Variants in ELMO1 observed in about 807,000 individuals in gnomAD.
ELMO1 encodes the protein engulfment and cell motility 1.
A neutral mutation model predicts 98.9 loss-of-function variants in ELMO1; 26 were observed. The observed-to-expected ratio is 0.26, with a 90% confidence interval of 0.19 to 0.36. ELMO1 has a LOEUF of 0.36. ELMO1 is among the 10% of genes least tolerant of loss of function. ELMO1 has a pLI of 1.00. For missense variants in ELMO1, 627 were observed against 935.2 expected (o/e 0.67, Z 4.30); for synonymous variants, 346 against 346.0 (o/e 1.00, Z 0.00).
intron 1 of ELMO1, chr7:37,351,375 G>C (rs1801261554): frequency 6.6e-6 from 1 of 152,232 alleles, no homozygotes; most frequent in South Asian, 2.1e-4. Context: ...GCACTTTGCA[G>C]GGACCAGGCA....
At chr7:37,389,202 G>A (rs1189637798) in intron 1 of ELMO1, among the ~76,000 whole-genome samples, 1 of 152,148 alleles carries the variant, frequency 6.6e-6, no homozygotes, top group Non-Finnish European at 1.5e-5. Context: ...TCTGTACCTT[G>A]TCACTTTAAT....
In ELMO1 at chr7:37,144,488, C is replaced by A. The variant is rs147350745; in HGVS notation, c.1087-11254G>T. On this transcript the variant is annotated intron_variant, in intron 13 of 21. Coordinates refer to ENST00000310758, the MANE Select transcript of ELMO1 (RefSeq NM_014800.11). ...GATGCTTTGGATACAGATTTATTTTCTTTTCTTGTTCCATGTTATTTTTTT... is the reference window on the plus strand; with the variant it reads ...GATGCTTTGGATACAGATTTATTTTATTTTCTTGTTCCATGTTATTTTTTT... Among the ~76,000 whole-genome samples, 338 of 152,288 alleles carry A rather than the reference C, an allele frequency of 2.2e-3. 1 individual carries two copies. The highest frequency in any genetic ancestry group is 7.6e-3 in the African/African-American group (318 of 41,574).
intron 4 of ELMO1, among the ~76,000 whole-genome samples, chr7:37,297,703 A>T (rs750153422): frequency 2.0e-5 from 3 of 152,134 alleles, no homozygotes; most frequent in Non-Finnish European, 4.4e-5. Flanking sequence ...CTTTTCAGCC[A>T]TTAGGAAAGT....
intron 1 of ELMO1, among the ~76,000 whole-genome samples, chr7:37,436,267 T>C (rs924884858): frequency 3.3e-5 from 5 of 152,172 alleles, no homozygotes; most frequent in African/African-American, 4.8e-5. Context: ...TCCTGATATA[T>C]AGAAAAGAGG....
intron 8 of ELMO1, among the ~76,000 whole-genome samples, chr7:37,229,512 T>A (rs946663287): frequency 6.6e-6 from 1 of 151,800 alleles, no homozygotes; most frequent in Non-Finnish European, 1.5e-5. Context: ...GGAAAAAAAA[T>A]ATTTCTCCAA....
Position 37,400,125 on chromosome 7 carries a change from T to C in ELMO1, c.-74+48550A>G, listed in dbSNP as rs1042219567. 2.0e-5 allele frequency among the ~76,000 whole-genome samples: 3 copies of C among 152,306 alleles called. No individual in the cohort carries two copies. The South Asian group carries it at 6.2e-4, about 32-fold the overall frequency. ...TCACAGCAAAATGGGATAACACTTA[T>C]TTTGGAGGGAGTTATACATTGTAAA... is the stretch of plus-strand genomic sequence containing the variant. On this transcript the variant is annotated intron_variant, in intron 1 of 21. Coordinates refer to ENST00000310758, the MANE Select transcript of ELMO1 (RefSeq NM_014800.11).
At chr7:37,434,664 T>C (rs1805072465) in intron 1 of ELMO1, among the ~76,000 whole-genome samples, 1 of 152,180 alleles carries the variant, frequency 6.6e-6, no homozygotes, top group Admixed American at 6.5e-5. Context: ...TGATAAAAGC[T>C]CAGCCCCATG....
At chr7:37,330,897 A>G (rs1800067434) in intron 2 of ELMO1, among the ~76,000 whole-genome samples, 1 of 152,216 alleles carries the variant, frequency 6.6e-6, no homozygotes, top group South Asian at 2.1e-4. Context: ...TATGGACACA[A>G]GTGCTGCCAT....
chr7:37,368,016 G>A (rs1801972988), intron 1 of ELMO1, among the ~76,000 whole-genome samples: 1 of 152,138 alleles, frequency 6.6e-6, no homozygotes, highest in South Asian at 2.1e-4. Flanking sequence ...AGGCAAATTA[G>A]GAATGGCAGA....
At chr7:37,351,526 A>G (rs1801267659) in intron 1 of ELMO1, among the ~76,000 whole-genome samples, 1 of 152,226 alleles carries the variant, frequency 6.6e-6, no homozygotes, top group Admixed American at 6.5e-5. Flanking sequence ...AGTCAAGAGG[A>G]AAACATTCAA....
At chr7:37,143,686 A>G (rs1310105930) in intron 13 of ELMO1, among the ~76,000 whole-genome samples, 1 of 142,994 alleles carries the variant, frequency 7.0e-6, no homozygotes, top group Non-Finnish European at 1.5e-5. Flanking sequence ...GGATTACAGC[A>G]GGTGTGAGCC....
intron 4 of ELMO1, among the ~76,000 whole-genome samples, chr7:37,304,596 A>T (rs1287196993): frequency 6.6e-6 from 1 of 152,150 alleles, no homozygotes; most frequent in East Asian, 1.9e-4. Flanking sequence ...TGCGCCTGTA[A>T]TCCCAGCTAC....
chr7:36,925,606 A>G (rs1475624203), intron 16 of ELMO1, among the ~76,000 whole-genome samples: 3 of 152,162 alleles, frequency 2.0e-5, no homozygotes, highest in Admixed American at 2.0e-4. Context: ...CAGGGCCTGA[A>G]AGCCCAGCAA....
intron 16 of ELMO1, among the ~76,000 whole-genome samples, chr7:36,913,020 T>C (rs931898994): frequency 6.6e-6 from 1 of 152,166 alleles, no homozygotes; most frequent in Non-Finnish European, 1.5e-5. Flanking sequence ...TGAGGATCCA[T>C]CTCCAAAGCA....
At chr7:37,350,092 TTCAGGTTCCCGTA>T (rs1297254857) in intron 1 of ELMO1, among the ~76,000 whole-genome samples, 16 of 152,110 alleles carry the variant, frequency 1.1e-4, no homozygotes, top group African/African-American at 2.9e-4. Context: ...GGGGTGTCAT[TTCAGGTTCCCGTA>T]TCAGGGACCT....
chr7:36,970,667 T>G (rs1789863392), intron 16 of ELMO1, among the ~76,000 whole-genome samples: 1 of 152,176 alleles, frequency 6.6e-6, no homozygotes, highest in South Asian at 2.1e-4. Flanking sequence ...TGGTGACAAG[T>G]GACAAAATGA....
At chr7:37,027,710 T>C (rs1294101012) in intron 15 of ELMO1, among the ~76,000 whole-genome samples, 1 of 151,960 alleles carries the variant, frequency 6.6e-6, no homozygotes, top group East Asian at 1.9e-4. Context: ...GTGGGAAAGG[T>C]TGTGAGTGGA....
At chr7:37,377,071 G>A (rs1802380224) in intron 1 of ELMO1, among the ~76,000 whole-genome samples, 1 of 152,174 alleles carries the variant, frequency 6.6e-6, no homozygotes, top group Admixed American at 6.5e-5. Context: ...CTTTAAAGGA[G>A]CTCAGAACAC....
At chr7:36,906,357 T>C (rs564762293) in intron 16 of ELMO1, among the ~76,000 whole-genome samples, 6 of 152,380 alleles carry the variant, frequency 3.9e-5, no homozygotes, top group Admixed American at 2.0e-4. Flanking sequence ...AAGTGGCCCA[T>C]TCTTTGTTGA....
Sources: gnomAD v4.1 joint callset for allele counts (sites outside exome capture counted in the v4.1 genomes callset) on GRCh38, gnomAD v4.1.1 for gene constraint, MANE v1.5 for transcripts, NCBI Gene and HGNC (gene_info 2026-07-23, HGNC 2026-07-21) for gene names.